The following SCAMP1 variants were observed in gnomAD, a reference collection of about 807,000 sequenced individuals.
The protein encoded by SCAMP1 is secretory carrier membrane protein 1.
Under a neutral mutation model 41.8 loss-of-function variants are expected in SCAMP1, and 15 were observed. The ratio of observed to expected loss-of-function variants is 0.36; its 90% CI spans 0.24 to 0.55. The LOEUF (loss-of-function observed/expected upper bound fraction) is 0.55, where lower values mean the gene tolerates loss of function less well. Among genes scored for constraint, SCAMP1 ranks in the 20% least tolerant of loss-of-function variants. The pLI, the probability that SCAMP1 is intolerant of heterozygous loss-of-function variation, is 0.86. For synonymous variants in SCAMP1, 135 were observed against 136.8 expected, an observed-to-expected ratio of 0.99 and a Z score of 0.09; for missense variants, 341 against 412.6, an observed-to-expected ratio of 0.83 and a Z score of 1.50.
At chr5:78,411,598 A>G (rs1752078677) in intron 2 of SCAMP1, among the ~76,000 whole-genome samples, 1 of 151,994 alleles carries the variant, frequency 6.6e-6, no homozygotes, top group Admixed American at 6.6e-5. Context: ...TCCTCATCTT[A>G]TTGCACTCTT....
At chr5:78,437,248 T>C (rs532005836) in intron 6 of SCAMP1, among the ~76,000 whole-genome samples, 178 of 152,314 alleles carry the variant, frequency 1.2e-3, no homozygotes, top group Non-Finnish European at 1.9e-3. Context: ...TCCAACACTA[T>C]GTTGAATAGG....
chr5:78,363,742 T>TATATA (rs549127304), intron 1 of SCAMP1, among the ~76,000 whole-genome samples: 12 of 152,366 alleles, frequency 7.9e-5, no homozygotes, highest in African/African-American at 2.9e-4. Context: ...CTATTCTCCT[T>TATATA]ATATAATATA....
chr5:78,473,366 T>G (rs1753931445), intron 8 of SCAMP1, among the ~76,000 whole-genome samples: 3 of 152,214 alleles, frequency 2.0e-5, no homozygotes, highest in African/African-American at 7.2e-5. Context: ...TAACATGCTT[T>G]CTTCTCTTGG....
rs548902306 is a variant in SCAMP1 at position 78,477,470 on chromosome 5, G to A, written c.*1802G>A. ...ATTTTATCAGTGTGCTTTATTGAGT[G>A]TGGATTTTGCATACATTCAAAACAT... On this transcript the variant is annotated 3_prime_UTR_variant, in exon 9 of 9. Coordinates refer to ENST00000621999, the MANE Select transcript of SCAMP1 (RefSeq NM_004866.6). 6.6e-6 allele frequency: 1 copy of A among 152,112 alleles called. No homozygotes were observed. Among genetic ancestry groups the A allele is most frequent in the Non-Finnish European group, 1.5e-5 (1 of 67,976 alleles). 9.4% of individuals were successfully genotyped at this position (152,112 alleles called of 1,614,324 possible). A position where few individuals can be genotyped will look rare whatever the true frequency, so the allele number is the denominator to read the frequency against.
At chr5:78,372,931 T>G (rs952131666) in intron 1 of SCAMP1, among the ~76,000 whole-genome samples, 2 of 980 alleles carry the variant, frequency 2.0e-3, no homozygotes. Context: ...ATTCCCATCT[T>G]TTTTTCTGAT....
At chr5:78,440,764 A>T (rs1278924954) in intron 6 of SCAMP1, among the ~76,000 whole-genome samples, 1 of 152,164 alleles carries the variant, frequency 6.6e-6, no homozygotes, top group Non-Finnish European at 1.5e-5. Flanking sequence ...AAGTCTGCAG[A>T]AGTTTCTGCT....
intron 5 of SCAMP1, among the ~76,000 whole-genome samples, chr5:78,420,739 G>C (rs1752321295): frequency 6.6e-6 from 1 of 152,080 alleles, no homozygotes; most frequent in Non-Finnish European, 1.5e-5. Context: ...TCTAGAGCTT[G>C]TTTACTTATC....
intron 6 of SCAMP1, among the ~76,000 whole-genome samples, chr5:78,426,108 T>C (rs917459980): frequency 4.6e-5 from 7 of 152,194 alleles, no homozygotes; most frequent in African/African-American, 1.4e-4. Context: ...TCCATGTCCC[T>C]GCAAAGGACA....
rs191269113 is a variant in SCAMP1, at chr5:78,431,088, C to T, written c.632+9128C>T. 7.4e-4 allele frequency among the ~76,000 whole-genome samples: 113 copies of T among 151,808 alleles called. 1 individual carries two copies. The highest frequency in any genetic ancestry group is 7.3e-3 in the Admixed American group (112 of 15,242). ...TATGTGAAGCAGATTTCTTCATTTT[C>T]AACCAAAACAACGTATTGTATAACA... On this transcript the variant is annotated intron_variant, in intron 6 of 8. Transcript: ENST00000621999.
Position 78,426,874 on chromosome 5 carries a change from G to A in SCAMP1, c.632+4914G>A, listed in dbSNP as rs993174659. On this transcript the variant is annotated intron_variant, in intron 6 of 8. Transcript: ENST00000621999. ...GAATAACGTTTTTGAGGTTTATTCG[G>A]GCTGCAGAATGTGTTAGTAATTCAT... 2.0e-5 allele frequency among the ~76,000 whole-genome samples: 3 copies of A among 152,150 alleles called. No individual in the cohort carries two copies. In the East Asian group the frequency reaches 5.8e-4, roughly 29 times the overall value.
chr5:78,472,337 C>T (rs985897479), intron 8 of SCAMP1, among the ~76,000 whole-genome samples: 2 of 151,972 alleles, frequency 1.3e-5, no homozygotes, highest in African/African-American at 4.8e-5. Context: ...TTGCTGCACC[C>T]ATCAACCCAT....
intron 7 of SCAMP1, among the ~76,000 whole-genome samples, chr5:78,456,764 A>G (rs1753416524): frequency 1.4e-5 from 2 of 144,068 alleles, no homozygotes; most frequent in Admixed American, 6.9e-5. Flanking sequence ...CTCCTGGATA[A>G]TATCCTGCAG....
intron 1 of SCAMP1, among the ~76,000 whole-genome samples, chr5:78,375,356 T>C (rs1344156798): frequency 6.6e-6 from 1 of 152,152 alleles, no homozygotes; most frequent in East Asian, 1.9e-4. Flanking sequence ...ATGTCACTTA[T>C]TATATGACTT....
chr5:78,366,964 T>C (rs1018037059), intron 1 of SCAMP1, among the ~76,000 whole-genome samples: 3 of 146,688 alleles, frequency 2.0e-5, no homozygotes, highest in Middle Eastern at 3.6e-3. Context: ...AAAAAAGATA[T>C]AAAATTTTGA....
chr5:78,479,475 A>C lies in SCAMP1; in HGVS notation c.*3807A>C, dbSNP rs1408491468. Among the ~76,000 whole-genome samples the C allele has an allele frequency of 6.6e-6, 1 of 152,208 alleles. No individual in the cohort carries two copies. Among genetic ancestry groups the C allele is most frequent in the Non-Finnish European group, 1.5e-5 (1 of 68,038 alleles). The stretch of plus-strand genomic sequence containing the variant: ...TTACAGAAAGTGAAGTATTTTGGCT[A>C]GAATTTTAGGGCATATTTTATAAAG... On this transcript the variant is annotated 3_prime_UTR_variant, in exon 9 of 9. Transcript: ENST00000621999.
intron 7 of SCAMP1, 34 bp downstream of exon 7, chr5:78,450,068 A>G (rs1475955180): frequency 8.7e-7 from 1 of 1,153,872 alleles, no homozygotes; most frequent in Non-Finnish European, 1.3e-6. Context: ...TTCAGCTTTA[A>G]TCTAATATTG....
intron 1 of SCAMP1, among the ~76,000 whole-genome samples, chr5:78,371,949 T>G (rs146843604): frequency 6.4e-4 from 98 of 152,336 alleles, no homozygotes; most frequent in African/African-American, 2.1e-3. Context: ...GTGATAGTTA[T>G]ACATTGATAA....
intron 2 of SCAMP1, among the ~76,000 whole-genome samples, chr5:78,399,176 A>G (rs1481952743): frequency 6.6e-6 from 1 of 152,188 alleles, no homozygotes; most frequent in African/African-American, 2.4e-5. Context: ...TGAATAACAT[A>G]CTATTGTCTG....
chr5:78,436,382 TC>T (rs1364670265), intron 6 of SCAMP1, among the ~76,000 whole-genome samples: 1 of 152,220 alleles, frequency 6.6e-6, no homozygotes, highest in Non-Finnish European at 1.5e-5. Context: ...CTTTAATCCA[TC>T]TTGAATTAAT....
Sources: allele counts gnomAD v4.1 joint callset (sites outside exome capture counted in the v4.1 genomes callset), GRCh38; gene constraint gnomAD v4.1.1; transcripts MANE v1.5; gene names NCBI Gene and HGNC (gene_info 2026-07-23, HGNC 2026-07-21).